The following KSR2 variants were observed in gnomAD, a reference collection of about 807,000 sequenced individuals.
KSR2 encodes kinase suppressor of ras 2.
In KSR2, 25 loss-of-function variants were observed where a neutral mutation model predicts 107.8. That is an observed-to-expected ratio of 0.23 (90% CI 0.17 to 0.32). The LOEUF (loss-of-function observed/expected upper bound fraction) is 0.32, where lower values mean the gene tolerates loss of function less well. KSR2 is among the 10% of genes least tolerant of loss of function. The pLI is 1.00. For synonymous variants in KSR2, 480 were observed against 507.0 expected, an observed-to-expected ratio of 0.95 and a Z score of 0.71; for missense variants, 887 against 1,268.9, an observed-to-expected ratio of 0.70 and a Z score of 4.57.
At chr12:117,767,491 G>A (rs551220914) in intron 3 of KSR2, among the ~76,000 whole-genome samples, 1 of 151,722 alleles carries the variant, frequency 6.6e-6, no homozygotes, top group South Asian at 2.1e-4. Flanking sequence ...AGGCTCTGGG[G>A]AAGATGATTG....
intron 1 of KSR2, among the ~76,000 whole-genome samples, chr12:117,910,125 G>A (rs1444916617): frequency 1.3e-5 from 2 of 152,128 alleles, no homozygotes; most frequent in African/African-American, 4.8e-5. Flanking sequence ...CAGCTACTCT[G>A]GAGGTTGAGG....
intron 14 of KSR2, among the ~76,000 whole-genome samples, chr12:117,509,963 G>T (rs946449568): frequency 6.6e-6 from 1 of 152,170 alleles, no homozygotes; most frequent in Non-Finnish European, 1.5e-5. Context: ...CTGGGGAGAA[G>T]GGCCTCTGCT....
chr12:117,692,158 T>C (rs539325027), intron 4 of KSR2, among the ~76,000 whole-genome samples: 1 of 152,230 alleles, frequency 6.6e-6, no homozygotes, highest in East Asian at 1.9e-4. Flanking sequence ...GAAGAGACGG[T>C]TCTCCGAAGG....
chr12:117,482,468 T>C (rs987718907), intron 16 of KSR2, among the ~76,000 whole-genome samples: 2 of 152,136 alleles, frequency 1.3e-5, no homozygotes, highest in South Asian at 4.1e-4. Context: ...TGGCTACTTG[T>C]GGGTGGCCAG....
chr12:117,854,053 T>A lies in KSR2; in HGVS notation c.472+1375A>T, dbSNP rs1464910106. 2.0e-5 allele frequency among the ~76,000 whole-genome samples: 3 copies of A among 152,142 alleles called. No individual in the cohort carries two copies. In the East Asian group the frequency reaches 5.8e-4, roughly 29 times the overall value. On this transcript the variant is annotated intron_variant, in intron 3 of 19. Transcript: ENST00000339824. ...TCTTGCTCTGTCACCCAGGCTGGAG[T>A]GCAGCAGTGTGATCATAGCTCACTG...
At chr12:117,911,174 T>TCA (rs374154062) in intron 1 of KSR2, among the ~76,000 whole-genome samples, 19,870 of 148,864 alleles carry the variant, frequency 0.13, 1,390 homozygotes, top group African/African-American at 0.18. Flanking sequence ...TCTCTCTCTC[T>TCA]CACACACACA....
chr12:117,909,133 G>T (rs1894941810), intron 1 of KSR2, among the ~76,000 whole-genome samples: 1 of 152,020 alleles, frequency 6.6e-6, no homozygotes, highest in Admixed American at 6.6e-5. Flanking sequence ...GAATCCAGCA[G>T]GCAGCATTCC....
At chr12:117,801,354 G>A (rs1433118541) in intron 3 of KSR2, among the ~76,000 whole-genome samples, 1 of 149,738 alleles carries the variant, frequency 6.7e-6, no homozygotes, top group African/African-American at 2.5e-5. Context: ...ATCTCAAACT[G>A]TTGGCCTCAA....
intron 1 of KSR2, among the ~76,000 whole-genome samples, chr12:117,936,319 C>T (rs1381732418): frequency 6.6e-6 from 1 of 151,802 alleles, no homozygotes; most frequent in African/African-American, 2.4e-5. Context: ...TGAGCCACCA[C>T]ACCAGGCCTA....
intron 5 of KSR2, among the ~76,000 whole-genome samples, chr12:117,608,976 C>A (rs1881446390): frequency 6.6e-6 from 1 of 152,114 alleles, no homozygotes; most frequent in Admixed American, 6.5e-5. Flanking sequence ...AGTCTCCCCA[C>A]TATATTCTGT....
rs573059816 is a variant in KSR2, at chr12:117,937,091, G to A, written c.180+30985C>T. Among the ~76,000 whole-genome samples the A allele has an allele frequency of 7.9e-5, 12 of 152,320 alleles. No homozygotes were observed. The South Asian group carries it at 1.7e-3, about 21-fold the overall frequency. ...TCTTAGCAGACAACTAGGGGCAACC[G>A]GCTGCAAGGAAATGTGATTATACAC... On this transcript the variant is annotated intron_variant, in intron 1 of 19. Transcript: ENST00000339824.
intron 5 of KSR2, among the ~76,000 whole-genome samples, chr12:117,606,859 G>A (rs1003289688): frequency 4.6e-5 from 7 of 151,438 alleles, no homozygotes; most frequent in Admixed American, 1.3e-4. Flanking sequence ...AAACGATGAC[G>A]GCTGTGAAGA....
intron 5 of KSR2, among the ~76,000 whole-genome samples, chr12:117,656,981 G>GATATACATAT (rs1884196724): frequency 2.0e-5 from 2 of 98,210 alleles, no homozygotes; most frequent in African/African-American, 8.7e-5. Flanking sequence ...TATATAATAG[G>GATATACATAT]ATATATATAT....
At position 117,909,542 on chromosome 12, in the gene KSR2, G is replaced by A. The variant is rs747912907; in HGVS notation, c.181-49111C>T. Reference sequence around the variant, plus strand: ...AACATTTTAGCTGGTGCACTGACACGGCATTAACCCTGAATCCCATAGCAC... The same window carrying A: ...AACATTTTAGCTGGTGCACTGACACAGCATTAACCCTGAATCCCATAGCAC... On this transcript the variant is annotated intron_variant, in intron 1 of 19. Coordinates refer to ENST00000339824, the MANE Select transcript of KSR2 (RefSeq NM_173598.6). 1.8e-3 allele frequency among the ~76,000 whole-genome samples: 268 copies of A among 152,260 alleles called. 1 individual carries two copies. Among genetic ancestry groups the A allele is most frequent in the Non-Finnish European group, 2.2e-3 (147 of 68,022 alleles).
intron 3 of KSR2, among the ~76,000 whole-genome samples, chr12:117,771,068 T>C (rs1665174): frequency 6.6e-6 from 1 of 151,340 alleles, no homozygotes. Context: ...TCCTGTGAAA[T>C]AGATGCTTTT....
At position 117,459,586 on chromosome 12, in the gene KSR2, A is replaced by T. The variant is rs1329847021; in HGVS notation, c.*7613T>A. 3.3e-5 allele frequency: 5 copies of T among 152,226 alleles called. No homozygotes were observed. Among genetic ancestry groups the T allele is most frequent in the Non-Finnish European group, 7.3e-5 (5 of 68,044 alleles). 9.4% of individuals were successfully genotyped at this position (152,226 alleles called of 1,614,324 possible). On this transcript the variant is annotated 3_prime_UTR_variant, in exon 20 of 20. Transcript: ENST00000339824. Reference sequence around the variant, plus strand: ...AGAGGTCCTTCTAGATCACCATCCCAATGACTTGGTTGAAGATGAAAACTC... The same window carrying T: ...AGAGGTCCTTCTAGATCACCATCCCTATGACTTGGTTGAAGATGAAAACTC...
intron 1 of KSR2, among the ~76,000 whole-genome samples, chr12:117,886,454 GTACACAGA>G (rs1469387223): frequency 6.6e-6 from 1 of 151,818 alleles, no homozygotes; most frequent in African/African-American, 2.4e-5. Context: ...CTATGTTTAG[GTACACAGA>G]TACCATTGTG....
At chr12:117,808,737 C>A (rs1891092241) in intron 3 of KSR2, among the ~76,000 whole-genome samples, 3 of 151,824 alleles carry the variant, frequency 2.0e-5, no homozygotes, top group Admixed American at 2.0e-4. Flanking sequence ...GAATTCGTTG[C>A]CATCCTTCCA....
intron 5 of KSR2, among the ~76,000 whole-genome samples, chr12:117,591,230 G>A (rs755531513): frequency 3.3e-5 from 5 of 152,146 alleles, no homozygotes; most frequent in Non-Finnish European, 7.4e-5. Context: ...AACTCATGGG[G>A]GCAGAGGAAA....
Sources: gnomAD v4.1 joint callset for allele counts (sites outside exome capture counted in the v4.1 genomes callset) on GRCh38, gnomAD v4.1.1 for gene constraint, MANE v1.5 for transcripts, NCBI Gene and HGNC (gene_info 2026-07-23, HGNC 2026-07-21) for gene names.